The following PRDM5 variants were observed in gnomAD, a reference collection of about 807,000 sequenced individuals.
PRDM5 encodes PR domain zinc finger protein 5.
In PRDM5, 56 loss-of-function variants were observed where a neutral mutation model predicts 81.2. The observed-to-expected ratio is 0.69, with a 90% confidence interval of 0.56 to 0.86. The LOEUF (loss-of-function observed/expected upper bound fraction) is 0.86. Among genes scored for constraint, PRDM5 ranks in the 40% least tolerant of loss-of-function variants. The pLI is 0.00. For missense variants in PRDM5, 697 were observed against 770.1 expected (o/e 0.91, Z 1.12); for synonymous variants, 267 against 256.4 (o/e 1.04, Z -0.39).
At chr4:120,782,263 A>G (rs2149242555) in intron 11 of PRDM5, among the ~76,000 whole-genome samples, 1 of 152,322 alleles carries the variant, frequency 6.6e-6, no homozygotes, top group Admixed American at 6.5e-5. Flanking sequence ...GAAAACAATC[A>G]TATTAACATA....
intron 1 of PRDM5, among the ~76,000 whole-genome samples, chr4:120,914,749 C>G (rs143536754): frequency 6.6e-6 from 1 of 152,278 alleles, no homozygotes; most frequent in Non-Finnish European, 1.5e-5. Context: ...GAGATGGAAT[C>G]AACCTAAGTG....
intron 2 of PRDM5, among the ~76,000 whole-genome samples, chr4:120,899,067 C>T (rs1764965624): frequency 6.6e-6 from 1 of 152,166 alleles, no homozygotes; most frequent in African/African-American, 2.4e-5. Context: ...CTTCCTCCTC[C>T]ATGAGAGAAA....
At chr4:120,893,841 A>G (rs552175239) in intron 2 of PRDM5, among the ~76,000 whole-genome samples, 30 of 152,336 alleles carry the variant, frequency 2.0e-4, no homozygotes, top group African/African-American at 7.0e-4. Flanking sequence ...AAATATTAAT[A>G]AGGTTAAACC....
intron 14 of PRDM5, among the ~76,000 whole-genome samples, chr4:120,723,923 A>ATTTTTTTT (rs70948360): frequency 1.4e-4 from 11 of 81,256 alleles, no homozygotes; most frequent in African/African-American, 4.1e-4. Context: ...GATAGCTTGA[A>ATTTTTTTT]TTTTTTTTTT....
chr4:120,816,363 C>T, intron 7 of PRDM5, 90 bp downstream of exon 7: 1 of 1,603,776 alleles, frequency 6.2e-7, no homozygotes, highest in Non-Finnish European at 8.5e-7. Context: ...GAAAAGCCAG[C>T]TCTCTCCTCA....
At chr4:120,728,424 T>A (rs1189657384) in intron 14 of PRDM5, among the ~76,000 whole-genome samples, 2 of 152,112 alleles carry the variant, frequency 1.3e-5, no homozygotes, top group East Asian at 3.9e-4. Context: ...AACTAAATGA[T>A]GTATGTATGT....
chr4:120,881,058 T>C (rs775529007), intron 2 of PRDM5, among the ~76,000 whole-genome samples: 2 of 152,200 alleles, frequency 1.3e-5, no homozygotes, highest in Non-Finnish European at 2.9e-5. Flanking sequence ...AACTGAATTT[T>C]TTTTATGTGT....
chr4:120,825,691 GTTGT>G (rs147450778), intron 3 of PRDM5, among the ~76,000 whole-genome samples: 38,215 of 151,952 alleles, frequency 0.25, 5,547 homozygotes, highest in East Asian at 0.35. Flanking sequence ...AATAATATGT[GTTGT>G]TTTTCTTACT....
At chr4:120,887,082 A>T (rs755992632) in intron 2 of PRDM5, among the ~76,000 whole-genome samples, 1 of 151,984 alleles carries the variant, frequency 6.6e-6, no homozygotes. Flanking sequence ...AGTAGCTGGG[A>T]CTACAGGCGC....
intron 3 of PRDM5, among the ~76,000 whole-genome samples, chr4:120,845,814 T>A: frequency 6.6e-6 from 1 of 152,328 alleles, no homozygotes; most frequent in South Asian, 2.1e-4. Flanking sequence ...CTGGAAAGGA[T>A]TGACATTCTA....
At chr4:120,709,788 T>C (rs961139705) in intron 15 of PRDM5, among the ~76,000 whole-genome samples, 6 of 152,310 alleles carry the variant, frequency 3.9e-5, no homozygotes, top group Admixed American at 3.9e-4. Context: ...AAATAATGTA[T>C]GCTATGTCAA....
rs141813844 is a variant in PRDM5, at chr4:120,860,557, C to G, written c.178-7017G>C. ...CTCAGATTTCAATGGCATTTCTGGA[C>G]AGATAGGCTTTTTTATCACATGAAG... On this transcript the variant is annotated intron_variant, in intron 2 of 15. Coordinates refer to ENST00000264808, the MANE Select transcript of PRDM5 (RefSeq NM_018699.4). 3.1e-4 allele frequency among the ~76,000 whole-genome samples: 47 copies of G among 151,462 alleles called. No homozygotes were observed. In the East Asian group the frequency reaches 5.8e-3, roughly 19 times the overall value.
intron 2 of PRDM5, among the ~76,000 whole-genome samples, chr4:120,877,214 T>C (rs1354654734): frequency 6.6e-6 from 1 of 152,168 alleles, no homozygotes; most frequent in East Asian, 1.9e-4. Context: ...TTTTACGGCC[T>C]TGAATAAACG....
downstream of PRDM5, among the ~76,000 whole-genome samples, chr4:120,684,682 T>C (rs1265323563): frequency 1.3e-5 from 2 of 151,992 alleles, no homozygotes; most frequent in Non-Finnish European, 2.9e-5. Context: ...TCCTGTATTA[T>C]AAAATGCCTT....
At chr4:120,841,340 G>C (rs150289419) in intron 3 of PRDM5, among the ~76,000 whole-genome samples, 7 of 152,042 alleles carry the variant, frequency 4.6e-5, no homozygotes, top group Admixed American at 4.6e-4. Flanking sequence ...ATTTTACTTC[G>C]TATTGCTCAA....
In PRDM5 at chr4:120,774,902, A is replaced by ATATGTATATG. The variant is rs1553963977; in HGVS notation, c.1537+2285_1537+2286insCATATACATA. ...TCTCTCTCTTTCTATATATATATAT[A>ATATGTATATG]TATATGTATATGTATATGTATATAT... On this transcript the variant is annotated intron_variant, in intron 13 of 15. Coordinates refer to ENST00000264808, the MANE Select transcript of PRDM5 (RefSeq NM_018699.4). 2.2e-4 allele frequency among the ~76,000 whole-genome samples: 32 copies of ATATGTATATG among 146,046 alleles called. 1 individual carries two copies. Among genetic ancestry groups the ATATGTATATG allele is most frequent in the Admixed American group, 9.6e-4 (14 of 14,534 alleles).
intron 12 of PRDM5, among the ~76,000 whole-genome samples, chr4:120,780,336 C>T (rs1025557701): frequency 3.3e-5 from 5 of 151,802 alleles, no homozygotes; most frequent in African/African-American, 4.8e-5. Context: ...CTCAGCTACT[C>T]GGGAGGTTTC....
intron 2 of PRDM5, among the ~76,000 whole-genome samples, chr4:120,875,630 G>C (rs1268377638): frequency 6.6e-6 from 1 of 152,146 alleles, no homozygotes; most frequent in Non-Finnish European, 1.5e-5. Flanking sequence ...GATTTCTGAG[G>C]AAACTATGAG....
At chr4:120,815,286 G>GA (rs1309291753) in intron 7 of PRDM5, among the ~76,000 whole-genome samples, 1 of 152,138 alleles carries the variant, frequency 6.6e-6, no homozygotes, top group Non-Finnish European at 1.5e-5. Context: ...ACTGAATTCA[G>GA]AAAAAAATCC....
Sources: allele counts gnomAD v4.1 joint callset (sites outside exome capture counted in the v4.1 genomes callset), GRCh38; gene constraint gnomAD v4.1.1; transcripts MANE v1.5; gene names NCBI Gene and HGNC (gene_info 2026-07-23, HGNC 2026-07-21).